The following MYH10 variants were observed in gnomAD, a reference collection of about 807,000 sequenced individuals.
MYH10 encodes myosin-10.
MYH10 carries 55 observed loss-of-function variants against 257.8 expected under a neutral mutation model. That is an observed-to-expected ratio of 0.21 (90% CI 0.17 to 0.27). MYH10 has a LOEUF of 0.27. Ranked by LOEUF, MYH10 falls within the 10% of genes least tolerant of loss-of-function variation. The probability of loss-of-function intolerance (pLI) is 1.00; values close to 1 mark genes in which losing one functional copy is unlikely to be tolerated. For missense variants in MYH10, 1,631 were observed against 2,500.6 expected (o/e 0.65, Z 7.42); for synonymous variants, 854 against 921.7 (o/e 0.93, Z 1.33).
intron 2 of MYH10, among the ~76,000 whole-genome samples, chr17:8,616,710 A>G (rs1421188694): frequency 2.0e-5 from 3 of 152,198 alleles, no homozygotes; most frequent in Non-Finnish European, 4.4e-5. Context: ...AAACTGATCT[A>G]CAGAATCAGT....
intron 16 of MYH10, among the ~76,000 whole-genome samples, chr17:8,533,990 C>G (rs112611231): frequency 4.6e-4 from 70 of 152,336 alleles, no homozygotes; most frequent in African/African-American, 1.6e-3. Flanking sequence ...TTCCAACTCA[C>G]CAGCGCTGGC....
At chr17:8,580,229 C>T (rs1381846158) in intron 4 of MYH10, among the ~76,000 whole-genome samples, 1 of 152,108 alleles carries the variant, frequency 6.6e-6, no homozygotes, top group Non-Finnish European at 1.5e-5. Context: ...AGAGCACCCA[C>T]CATCATCCTT....
At chr17:8,511,230 A>C (rs1025373100) in intron 24 of MYH10, 1 of 152,138 alleles carries the variant, frequency 6.6e-6, no homozygotes, top group African/African-American at 2.4e-5. Context: ...TAAACAAAAC[A>C]AAACCCAGGC....
At chr17:8,533,569 A>AAC (rs536948376) in intron 16 of MYH10, among the ~76,000 whole-genome samples, 30 of 152,322 alleles carry the variant, frequency 2.0e-4, no homozygotes, top group Admixed American at 1.8e-3. Flanking sequence ...TAGTGCTGAA[A>AAC]ACACTGTGTG....
At chr17:8,564,803 T>G (rs750469435) in intron 7 of MYH10, among the ~76,000 whole-genome samples, 52 of 152,200 alleles carry the variant, frequency 3.4e-4, no homozygotes, top group Middle Eastern at 3.4e-3. Flanking sequence ...AGATAATAAA[T>G]ACACAAAGTA....
chr17:8,562,821 A>C (rs942439192), intron 7 of MYH10, among the ~76,000 whole-genome samples: 1 of 152,244 alleles, frequency 6.6e-6, no homozygotes, highest in Admixed American at 6.5e-5. Context: ...CAAAATGTGC[A>C]ATAGGGAAAC....
At position 8,492,357 on chromosome 17, in the gene MYH10, G is replaced by T; in HGVS notation, c.4611C>A (p.Asn1537Lys). 6.2e-7 allele frequency: 1 copy of T among 1,613,822 alleles called. No homozygotes were observed. The highest frequency in any genetic ancestry group is 8.5e-7 in the Non-Finnish European group (1 of 1,180,034). Reference sequence around the variant, plus strand: ...CTTCCATGTCTGCTCGGAGCTGCTTGTTCTGCCTCTCAAACTCCTCCTTGG... The same window carrying T: ...CTTCCATGTCTGCTCGGAGCTGCTTTTTCTGCCTCTCAAACTCCTCCTTGG... ...LEAKEEFERQ[N>K]KQLRADMEDL... The change falls in exon 34 of 43, where the codon AAC becomes AAA. Residue 1537 changes from asparagine to lysine, a missense_variant. Asn to Lys is a moderately conservative substitution (Grantham distance 94, BLOSUM62 0). Around this residue, in one of 11 missense-constraint regions of MYH10, gnomAD observed 463 missense variants for 621.8 expected, o/e 0.74. Transcript: ENST00000360416.
intron 17 of MYH10, among the ~76,000 whole-genome samples, chr17:8,526,717 C>A (rs571210060): frequency 6.6e-6 from 1 of 152,154 alleles, no homozygotes; most frequent in South Asian, 2.1e-4. Context: ...CGCTTGGTAC[C>A]GAATCCTTAA....
Position 8,480,091 on chromosome 17 carries a change from G to A in MYH10, c.5597+19C>T, listed in dbSNP as rs57145827. The A allele has an allele frequency of 8.9e-4, 1,435 of 1,612,722 alleles. 8 individuals are homozygous for A. In the African/African-American group the frequency reaches 0.016, roughly 18 times the overall value. The stretch of plus-strand genomic sequence containing the variant: ...GCCTAGTTGGTAAGTTTTGGTTTAC[G>A]GTAGCAAAAACCTCTTACTTGGCTT... On this transcript the variant is annotated intron_variant, in intron 40 of 42. Coordinates refer to ENST00000360416, the MANE Select transcript of MYH10 (RefSeq NM_001256012.3).
chr17:8,489,743 A>ACC (rs1555570905), intron 35 of MYH10, among the ~76,000 whole-genome samples: 5 of 150,260 alleles, frequency 3.3e-5, no homozygotes, highest in South Asian at 2.1e-4. Flanking sequence ...ACACACACAC[A>ACC]CACCCCAAAT....
At chr17:8,577,098 G>A in intron 5 of MYH10, 138 bp downstream of exon 5, 1 of 600,600 alleles carries the variant, frequency 1.7e-6, no homozygotes, top group Non-Finnish European at 2.9e-6. Flanking sequence ...AAGCATTGCT[G>A]GGTAGGTGGC....
chr17:8,477,190 G>A lies in MYH10; in HGVS notation c.5707-142C>T. 4 of 889,278 alleles carry A rather than the reference G, an allele frequency of 4.5e-6. No homozygotes were observed. Among genetic ancestry groups the A allele is most frequent in the Non-Finnish European group, 6.6e-6 (4 of 602,656 alleles). The allele number at this position is 889,278 out of a possible 1,614,324, so 55.1% of individuals were successfully genotyped here. A position where few individuals can be genotyped will look rare whatever the true frequency, so the allele number is the denominator to read the frequency against. On this transcript the variant is annotated intron_variant, in intron 41 of 42. Coordinates refer to ENST00000360416, the MANE Select transcript of MYH10 (RefSeq NM_001256012.3). This position sits in a 1 kb window ranked among gnomAD's most constrained non-coding sequence, Gnocchi z 4.2. Reference sequence around the variant, plus strand: ...ACACGGATGTACACGCGTGCCTGGGGGCTGGTCGGAGGCTCTGTAACCGGC... The same window carrying A: ...ACACGGATGTACACGCGTGCCTGGGAGCTGGTCGGAGGCTCTGTAACCGGC...
chr17:8,586,749 C>A (rs937814666), intron 4 of MYH10, among the ~76,000 whole-genome samples: 1 of 152,162 alleles, frequency 6.6e-6, no homozygotes, highest in African/African-American at 2.4e-5. Context: ...TAAGTACTCA[C>A]GAACTTTTGT....
intron 2 of MYH10, among the ~76,000 whole-genome samples, chr17:8,619,183 A>C (rs1567990059): frequency 6.6e-6 from 1 of 152,354 alleles, no homozygotes; most frequent in East Asian, 1.9e-4. Context: ...ATGTGTTCTC[A>C]AAGGTTGAGA....
chr17:8,572,258 G>GT (rs2083374532), intron 6 of MYH10, among the ~76,000 whole-genome samples: 1 of 88,952 alleles, frequency 1.1e-5, no homozygotes. Context: ...GTGTGTGTGT[G>GT]AGTGAGAGAG....
At chr17:8,580,549 T>G (rs1597883646) in intron 4 of MYH10, among the ~76,000 whole-genome samples, 1 of 152,222 alleles carries the variant, frequency 6.6e-6, no homozygotes, top group East Asian at 1.9e-4. Context: ...GTGCTTGATA[T>G]AGACTGCTGA....
At chr17:8,561,408 T>C (rs2082989404) in intron 7 of MYH10, 12 of 1,041,776 alleles carry the variant, frequency 1.2e-5, no homozygotes, top group Non-Finnish European at 1.8e-5. Context: ...GTGTCTTCGA[T>C]GCCTATGTGC....
intron 34 of MYH10, among the ~76,000 whole-genome samples, chr17:8,492,041 C>T (rs932480557): frequency 3.9e-5 from 6 of 152,180 alleles, no homozygotes; most frequent in Admixed American, 1.3e-4. Flanking sequence ...GCAGGGAGGG[C>T]AGTGAAAGGA....
chr17:8,480,411 G>A lies in MYH10; in HGVS notation c.5379C>T (p.Thr1793=). The stretch of plus-strand genomic sequence containing the variant: ...CTCCTGCATGGGCCACCTGTAGAGT[G>A]GTCTTGCGGAAGCGGTCGTTGAGCA... ...MELLNDRFRK[T]TLQVDTLNAE... Residue 1793 remains threonine (T), a synonymous_variant, in exon 39 of 43, where the codon ACC becomes ACT. Transcript: ENST00000360416. 1 of 1,613,506 alleles carries A rather than the reference G, an allele frequency of 6.2e-7. No individual in the cohort carries two copies. Among genetic ancestry groups the A allele is most frequent in the Non-Finnish European group, 8.5e-7 (1 of 1,180,024 alleles).
Sources: allele counts gnomAD v4.1 joint callset (sites outside exome capture counted in the v4.1 genomes callset), GRCh38; gene constraint gnomAD v4.1.1; regional missense constraint gnomAD v4.1.1; non-coding constraint Gnocchi (gnomAD v3.1); transcripts MANE v1.5; gene names NCBI Gene and HGNC (gene_info 2026-07-23, HGNC 2026-07-21).